The following NAV3 variants were observed in gnomAD, a reference collection of about 807,000 sequenced individuals.
The protein encoded by NAV3 is pore membrane and/or filament interacting like protein 1.
NAV3 carries 87 observed loss-of-function variants against 244.7 expected under a neutral mutation model. The ratio of observed to expected loss-of-function variants is 0.36; its 90% confidence interval spans 0.30 to 0.42. The LOEUF (loss-of-function observed/expected upper bound fraction) is 0.42, where lower values mean the gene tolerates loss of function less well. NAV3 is among the 20% of genes least tolerant of loss of function. NAV3 has a pLI of 1.00. For missense variants in NAV3, 2,663 were observed against 2,893.3 expected (o/e 0.92, Z 1.83); for synonymous variants, 1,126 against 1,042.2 (o/e 1.08, Z -1.55).
chr12:78,047,065 T>C (rs1215352030), intron 9 of NAV3, among the ~76,000 whole-genome samples: 1 of 152,242 alleles, frequency 6.6e-6, no homozygotes, highest in East Asian at 1.9e-4. Context: ...CCTGCTTTTA[T>C]TTGCTTTCCA....
At position 77,629,475 on chromosome 12, in the gene NAV3, C is replaced by A. The variant is rs541058603; in HGVS notation, c.72+57209C>A. On this transcript the variant is annotated intron_variant, in intron 2 of 8. Transcript: ENST00000550042. ...ATTTATTCAGTGCCCATTATTTAAT[C>A]TGCATTGTGATTGGAGCTTAAAAAT... Among the ~76,000 whole-genome samples the A allele has an allele frequency of 2.2e-4, 34 of 152,268 alleles. 1 individual carries two copies. Among genetic ancestry groups the A allele is most frequent in the Middle Eastern group, 6.8e-3 (2 of 294 alleles).
chr12:77,981,666 TTCTG>T (rs2136270422), intron 5 of NAV3, among the ~76,000 whole-genome samples: 1 of 152,132 alleles, frequency 6.6e-6, no homozygotes, highest in East Asian at 1.9e-4. Flanking sequence ...AGGAAATAAT[TTCTG>T]TCTTTTTAAC....
intron 5 of NAV3, among the ~76,000 whole-genome samples, chr12:77,971,375 A>G (rs540878813): frequency 1.3e-5 from 2 of 152,196 alleles, no homozygotes; most frequent in East Asian, 1.9e-4. Context: ...GGACCCGAAT[A>G]TAGAAGAGTT....
intron 2 of NAV3, among the ~76,000 whole-genome samples, chr12:77,633,488 A>G (rs1872010148): frequency 6.6e-6 from 1 of 152,130 alleles, no homozygotes; most frequent in East Asian, 1.9e-4. Context: ...TTCCAATGAG[A>G]TTCATAAAGT....
intron 2 of NAV3, among the ~76,000 whole-genome samples, chr12:77,743,515 A>G (rs1868384953): frequency 1.3e-5 from 2 of 151,930 alleles, no homozygotes; most frequent in Admixed American, 1.3e-4. Context: ...TCATAGATAC[A>G]TCATTCAGAA....
At chr12:77,973,949 T>C (rs4471483) in intron 5 of NAV3, among the ~76,000 whole-genome samples, 44,345 of 149,310 alleles carry the variant, frequency 0.3, 6,670 homozygotes, top group African/African-American at 0.38. Flanking sequence ...AAGCAGGATT[T>C]TTTTATCTCT....
chr12:77,909,331 AG>A (rs1886334835), intron 1 of NAV3, among the ~76,000 whole-genome samples: 2 of 151,908 alleles, frequency 1.3e-5, no homozygotes, highest in Non-Finnish European at 2.9e-5. Context: ...ATTTGGGGAG[AG>A]CTTTGTCCAT....
chr12:77,857,356 T>G (rs1045312850), intron 1 of NAV3, among the ~76,000 whole-genome samples: 8 of 151,948 alleles, frequency 5.3e-5, no homozygotes, highest in African/African-American at 1.9e-4. Flanking sequence ...TTGGTTTTAA[T>G]TTTTTTGAAA....
Position 77,890,178 on chromosome 12 carries a change from C to T in NAV3, c.244-50141C>T, listed in dbSNP as rs569666224. Among the ~76,000 whole-genome samples, 8 of 152,272 alleles carry T rather than the reference C, an allele frequency of 5.3e-5. No individual in the cohort carries two copies. The South Asian group carries it at 8.3e-4, about 16-fold the overall frequency. ...GTTCTCAGTTGATCACTGCAAACTCCGCTCCACAGCTCAAGCAGTCTTTCT... is the reference window on the plus strand; with the variant it reads ...GTTCTCAGTTGATCACTGCAAACTCTGCTCCACAGCTCAAGCAGTCTTTCT... On this transcript the variant is annotated intron_variant, in intron 1 of 39. Coordinates refer to ENST00000397909, the MANE Select transcript of NAV3 (RefSeq NM_001024383.2).
At chr12:77,752,553 A>G (rs1868914199) in intron 2 of NAV3, among the ~76,000 whole-genome samples, 1 of 152,270 alleles carries the variant, frequency 6.6e-6, no homozygotes, top group South Asian at 2.1e-4. Flanking sequence ...CTCAAGTCCA[A>G]TGGCTTTTCA....
chr12:78,095,064 TACACAC>T lies in NAV3; in HGVS notation c.2637-21688_2637-21683del, dbSNP rs56856471. Reference sequence around the variant, plus strand: ...ATCAAATTATATATATATATATATATACACACACACACACACACACACACATATATA... The same window carrying T: ...ATCAAATTATATATATATATATATATACACACACACACACACACATATATA... On this transcript the variant is annotated intron_variant, in intron 12 of 39. Transcript: ENST00000397909. 2.6e-4 allele frequency among the ~76,000 whole-genome samples: 36 copies of T among 137,556 alleles called. 1 individual carries two copies. Among genetic ancestry groups the T allele is most frequent in the East Asian group, 2.1e-3 (10 of 4,874 alleles). 90.2% of individuals were successfully genotyped at this position (137,556 alleles called of 152,430 possible). A position where few individuals can be genotyped will look rare whatever the true frequency, so the allele number is the denominator to read the frequency against.
chr12:77,866,451 A>T (rs11615986), intron 1 of NAV3, among the ~76,000 whole-genome samples: 32,493 of 152,122 alleles, frequency 0.21, 3,921 homozygotes, highest in East Asian at 0.28. Context: ...CGCAGAGGTA[A>T]CTTTGATTTG....
At chr12:77,636,819 A>G (rs1872178402) in intron 2 of NAV3, among the ~76,000 whole-genome samples, 1 of 152,192 alleles carries the variant, frequency 6.6e-6, no homozygotes, top group East Asian at 1.9e-4. Context: ...CATGAAAAAG[A>G]ATGAGTTGCT....
At chr12:77,815,786 A>G (rs1018197494) in intron 2 of NAV3, among the ~76,000 whole-genome samples, 2 of 152,168 alleles carry the variant, frequency 1.3e-5, no homozygotes, top group Non-Finnish European at 2.9e-5. Flanking sequence ...ATTGCCAAGT[A>G]TGATCTATCA....
At chr12:77,824,385 G>A (rs1417076908) in intron 2 of NAV3, among the ~76,000 whole-genome samples, 3 of 151,296 alleles carry the variant, frequency 2.0e-5, no homozygotes, top group South Asian at 2.1e-4. Context: ...GCGCCACTGC[G>A]CCCGGCCGAG....
At chr12:77,777,972 A>T (rs1870454204) in intron 2 of NAV3, among the ~76,000 whole-genome samples, 5 of 151,908 alleles carry the variant, frequency 3.3e-5, no homozygotes. Context: ...TAATGGGCTA[A>T]TTTTTTGTAT....
At chr12:78,153,606 T>G (rs965521608) in intron 22 of NAV3, among the ~76,000 whole-genome samples, 2 of 152,040 alleles carry the variant, frequency 1.3e-5, no homozygotes, top group African/African-American at 2.4e-5. Flanking sequence ...TTTTAACGTA[T>G]TTTCTTTACA....
At chr12:78,117,043 T>A in intron 13 of NAV3, 139 bp downstream of exon 13, 1 of 956,870 alleles carries the variant, frequency 1.0e-6, no homozygotes, top group Non-Finnish European at 1.5e-6. Flanking sequence ...TAATAAGGAC[T>A]CCCTTTGCCA....
Position 78,197,350 on chromosome 12 carries a change from G to C in NAV3, c.6395G>C (p.Gly2132Ala), listed in dbSNP as rs745506966. ...VIILDNLHHV[G>A]SLSDIFNGFL... Reference sequence around the variant, plus strand: ...ATTCTTGATAATCTTCATCATGTGGGCTCTCTGAGTGATATCTTCAATGGT... The same window carrying C: ...ATTCTTGATAATCTTCATCATGTGGCCTCTCTGAGTGATATCTTCAATGGT... Residue 2132 changes from glycine (G) to alanine (A), a missense_variant, in exon 35 of 40, where the codon GGC becomes GCC. Around this residue, in one of 6 missense-constraint regions of NAV3, gnomAD observed 543 missense variants for 672.4 expected, o/e 0.81. Coordinates refer to ENST00000397909, the MANE Select transcript of NAV3 (RefSeq NM_001024383.2). The C allele has an allele frequency of 1.1e-5, 18 of 1,607,948 alleles. No individual in the cohort carries two copies. The highest frequency in any genetic ancestry group is 1.4e-5 in the Non-Finnish European group (16 of 1,176,352).
Sources: allele counts gnomAD v4.1 joint callset (sites outside exome capture counted in the v4.1 genomes callset), GRCh38; gene constraint gnomAD v4.1.1; regional missense constraint gnomAD v4.1.1; transcripts MANE v1.5; gene names NCBI Gene and HGNC (gene_info 2026-07-23, HGNC 2026-07-21).